AGK: variants seen among roughly 807,000 people sequenced by gnomAD.
AGK encodes acylglycerol kinase, also known as acylglycerol kinase, mitochondrial.
Under a neutral mutation model 66.4 loss-of-function variants are expected in AGK, and 52 were observed. The observed-to-expected ratio is 0.78, with a 90% confidence interval of 0.63 to 0.99. The LOEUF is 0.99. Ranked by LOEUF, AGK falls within the 50% of genes least tolerant of loss-of-function variation. AGK has a pLI of 0.00. For synonymous variants in AGK, 182 were observed against 181.1 expected (o/e 1.00, Z -0.04); for missense variants, 451 against 506.6 (o/e 0.89, Z 1.05).
At chr7:141,638,782 TG>T (rs1468185586) in intron 11 of AGK, among the ~76,000 whole-genome samples, 3 of 152,104 alleles carry the variant, frequency 2.0e-5, no homozygotes, top group African/African-American at 7.2e-5. Context: ...ATCAAGTTTG[TG>T]AAGAGAGATG....
Position 141,651,115 on chromosome 7 carries a change from TTAAAG to T in AGK, c.1047-405_1047-401del, listed in dbSNP as rs557520200. Among the ~76,000 whole-genome samples, 12 of 152,280 alleles carry T rather than the reference TTAAAG, an allele frequency of 7.9e-5. No individual in the cohort carries two copies. In the South Asian group the frequency reaches 2.1e-3, roughly 26 times the overall value. On this transcript the variant is annotated intron_variant, in intron 14 of 15. Coordinates refer to ENST00000649286, the MANE Select transcript of AGK (RefSeq NM_018238.4). ...CATATACATAAAAGAAATATCTACA[TTAAAG>T]TAAAAATATTTTATCCTTCAAGTAA...
chr7:141,589,106 C>T (rs1796054289), intron 2 of AGK, among the ~76,000 whole-genome samples: 1 of 152,152 alleles, frequency 6.6e-6, no homozygotes, highest in African/African-American at 2.4e-5. Flanking sequence ...TCTTTTTACC[C>T]AGCCCCTACT....
intron 2 of AGK, among the ~76,000 whole-genome samples, chr7:141,565,320 C>G (rs1587066040): frequency 6.6e-6 from 1 of 152,140 alleles, no homozygotes; most frequent in Non-Finnish European, 1.5e-5. Context: ...CAAACCTGTT[C>G]CTTCTCAGTA....
At chr7:141,586,661 A>G (rs1404370213) in intron 2 of AGK, among the ~76,000 whole-genome samples, 1 of 152,184 alleles carries the variant, frequency 6.6e-6, no homozygotes, top group Admixed American at 6.5e-5. Context: ...AGGAAGGGAT[A>G]AAATGATCCA....
At chr7:141,645,950 T>C (rs1797401634) in intron 13 of AGK, among the ~76,000 whole-genome samples, 1 of 152,102 alleles carries the variant, frequency 6.6e-6, no homozygotes, top group Non-Finnish European at 1.5e-5. Context: ...AACAACTATA[T>C]GAGACATTGG....
intron 2 of AGK, among the ~76,000 whole-genome samples, chr7:141,569,694 C>T (rs1472427486): frequency 6.6e-6 from 1 of 152,014 alleles, no homozygotes; most frequent in Non-Finnish European, 1.5e-5. Context: ...ATTAATAGCC[C>T]TATATAGATG....
rs141108492 is a variant in AGK, at chr7:141,555,178, G to C, written c.-14-275G>C. Among the ~76,000 whole-genome samples, 4 of 152,256 alleles carry C rather than the reference G, an allele frequency of 2.6e-5. No individual in the cohort carries two copies. The East Asian group carries it at 7.7e-4, about 29-fold the overall frequency. On this transcript the variant is annotated intron_variant, in intron 1 of 15. Transcript: ENST00000649286. The surrounding 1 kb of genome is among the most constrained non-coding windows in gnomAD (Gnocchi z 4.2). The stretch of plus-strand genomic sequence containing the variant: ...TTCCTTCTATTGCAATGAAGAAATA[G>C]TGATCAGAGAGGGAAGAAGTATAGG...
chr7:141,573,113 CT>C (rs1237265650), intron 2 of AGK, among the ~76,000 whole-genome samples: 7 of 152,078 alleles, frequency 4.6e-5, no homozygotes, highest in African/African-American at 1.7e-4. Context: ...GTTTGTTTTG[CT>C]TTTTAGCCAT....
At chr7:141,573,945 C>T (rs1329122264) in intron 2 of AGK, among the ~76,000 whole-genome samples, 1 of 151,880 alleles carries the variant, frequency 6.6e-6, no homozygotes, top group Non-Finnish European at 1.5e-5. Context: ...CATTTACTCT[C>T]CTTTTTTTTT....
intron 13 of AGK, among the ~76,000 whole-genome samples, chr7:141,648,459 G>A (rs898894309): frequency 1.3e-5 from 2 of 152,224 alleles, no homozygotes; most frequent in African/African-American, 2.4e-5. Flanking sequence ...TTAGTTGAGA[G>A]TTCTTTGTTA....
chr7:141,612,816 T>C (rs1410123971), intron 6 of AGK, among the ~76,000 whole-genome samples: 2 of 152,196 alleles, frequency 1.3e-5, no homozygotes, highest in Non-Finnish European at 2.9e-5. Flanking sequence ...AGTGCATTCA[T>C]TATATTTTGG....
chr7:141,628,772 T>A (rs1796995696), intron 9 of AGK, among the ~76,000 whole-genome samples: 1 of 152,208 alleles, frequency 6.6e-6, no homozygotes, highest in Non-Finnish European at 1.5e-5. Flanking sequence ...TCTCATAGTC[T>A]GTTGGTTTTT....
intron 8 of AGK, among the ~76,000 whole-genome samples, chr7:141,619,028 A>T (rs1463045061): frequency 6.6e-6 from 1 of 152,126 alleles, no homozygotes; most frequent in Non-Finnish European, 1.5e-5. Context: ...GGAAACTACA[A>T]ATCAGTGAAG....
chr7:141,640,290 T>G (rs557808177), intron 11 of AGK, among the ~76,000 whole-genome samples: 201 of 152,140 alleles, frequency 1.3e-3, no homozygotes, highest in Non-Finnish European at 2.6e-3. Context: ...AGAAGCTAAT[T>G]TTCACCACAT....
At chr7:141,584,774 A>G (rs1795961926) in intron 2 of AGK, among the ~76,000 whole-genome samples, 2 of 152,228 alleles carry the variant, frequency 1.3e-5, no homozygotes, top group South Asian at 4.1e-4. Context: ...ACCATCAGCA[A>G]TGCAGATGTT....
chr7:141,621,821 A>T lies in AGK; in HGVS notation c.588+20A>T. The T allele has an allele frequency of 6.4e-7, 1 of 1,568,796 alleles. No individual in the cohort carries two copies. The highest frequency in any genetic ancestry group is 2.2e-5 in the East Asian group (1 of 44,550). ...ATCAAGGTAAATCTTTTCATCACAT[A>T]TTGGAAAAATTGTGAAAGTAATACT... On this transcript the variant is annotated intron_variant, in intron 9 of 15. Transcript: ENST00000649286.
intron 10 of AGK, among the ~76,000 whole-genome samples, chr7:141,636,105 C>A (rs1194549828): frequency 6.6e-6 from 1 of 152,166 alleles, no homozygotes; most frequent in Non-Finnish European, 1.5e-5. Context: ...ATGTATTTAG[C>A]AATATGCAAT....
At chr7:141,563,204 C>T (rs1183341915) in intron 2 of AGK, among the ~76,000 whole-genome samples, 1 of 152,244 alleles carries the variant, frequency 6.6e-6, no homozygotes, top group Non-Finnish European at 1.5e-5. Context: ...ATTCTCCACA[C>T]ACTGTTCTGT....
intron 2 of AGK, among the ~76,000 whole-genome samples, chr7:141,584,558 G>A (rs1176163153): frequency 6.6e-6 from 1 of 152,210 alleles, no homozygotes; most frequent in East Asian, 1.9e-4. Flanking sequence ...TTGAAGCTGT[G>A]TCATGGCTGT....
Sources: allele counts gnomAD v4.1 joint callset (sites outside exome capture counted in the v4.1 genomes callset), GRCh38; gene constraint gnomAD v4.1.1; non-coding constraint Gnocchi (gnomAD v3.1); transcripts MANE v1.5; gene names NCBI Gene and HGNC (gene_info 2026-07-23, HGNC 2026-07-21).